The following MLXIPL variants were observed in gnomAD, a reference collection of about 807,000 sequenced individuals.
The protein encoded by MLXIPL is MLX interacting protein like.
In MLXIPL, 49 loss-of-function variants were observed where a neutral mutation model predicts 81.5. That is an observed-to-expected ratio of 0.60 (90% CI 0.48 to 0.76). The LOEUF (loss-of-function observed/expected upper bound fraction) is 0.76, where lower values mean the gene tolerates loss of function less well. Among genes scored for constraint, MLXIPL ranks in the 30% least tolerant of loss-of-function variants. The pLI is 0.00. For synonymous variants in MLXIPL, 466 were observed against 485.5 expected (o/e 0.96, Z 0.53); for missense variants, 1,053 against 1,167.0 (o/e 0.90, Z 1.42).
intron 1 of MLXIPL, among the ~76,000 whole-genome samples, chr7:73,616,789 A>G (rs1193156240): frequency 2.1e-5 from 3 of 144,912 alleles, no homozygotes; most frequent in African/African-American, 7.7e-5. Flanking sequence ...CGGAGGTTGC[A>G]GTGAGCTGAG....
In MLXIPL at chr7:73,623,690, G is replaced by A. The variant is rs1215402835; in HGVS notation, c.293+510C>T. ...GAGTGGGCCAGTTCCAGTCCACTTTGGTTATGAACTGGGACAATCAGGGGC... is the reference window on the plus strand; with the variant it reads ...GAGTGGGCCAGTTCCAGTCCACTTTAGTTATGAACTGGGACAATCAGGGGC... On this transcript the variant is annotated intron_variant, in intron 1 of 16. Transcript: ENST00000313375. The surrounding 1 kb of genome is among the most constrained non-coding windows in gnomAD (Gnocchi z 5.7). 1.3e-5 allele frequency among the ~76,000 whole-genome samples: 2 copies of A among 152,194 alleles called. No individual in the cohort carries two copies. The highest frequency in any genetic ancestry group is 2.9e-5 in the Non-Finnish European group (2 of 68,034).
intron 1 of MLXIPL, among the ~76,000 whole-genome samples, chr7:73,618,194 T>G (rs1323737605): frequency 6.6e-6 from 1 of 152,180 alleles, no homozygotes; most frequent in Non-Finnish European, 1.5e-5. Context: ...TCTCCCAGGT[T>G]CAAATGATTC....
intron 2 of MLXIPL, 51 bp downstream of exon 2, chr7:73,616,020 G>A: frequency 6.7e-7 from 1 of 1,493,832 alleles, no homozygotes. Context: ...TGGCAGGAGG[G>A]TTGGAGGGGG....
rs918301978 is a variant in MLXIPL, at chr7:73,623,948, C to G, written c.293+252G>C. Among the ~76,000 whole-genome samples, 1 of 151,570 alleles carries G rather than the reference C, an allele frequency of 6.6e-6. No homozygotes were observed. The highest frequency in any genetic ancestry group is 1.5e-5 in the Non-Finnish European group (1 of 67,932). The stretch of plus-strand genomic sequence containing the variant: ...GGTGGGGCGCAGGCGGTCTGCGCTT[C>G]GGGGAAGAGGGAATGGGGGAGGAAT... On this transcript the variant is annotated intron_variant, in intron 1 of 16. Transcript: ENST00000313375. The surrounding 1 kb of genome is among the most constrained non-coding windows in gnomAD (Gnocchi z 5.7).
chr7:73,647,112 C>T, the MLXIPL span, among the ~76,000 whole-genome samples: 1 of 152,284 alleles, frequency 6.6e-6, no homozygotes, highest in African/African-American at 2.4e-5. Context: ...AGACAAGAAC[C>T]CAAAGCTCCC....
Position 73,596,827 on chromosome 7 carries a change from G to GT in MLXIPL, c.1671+37dup. 6.2e-7 allele frequency: 1 copy of GT among 1,608,690 alleles called. No homozygotes were observed. The highest frequency in any genetic ancestry group is 8.5e-7 in the Non-Finnish European group (1 of 1,178,340). On this transcript the variant is annotated intron_variant, in intron 10 of 16. Transcript: ENST00000313375. The surrounding 1 kb of genome is among the most constrained non-coding windows in gnomAD (Gnocchi z 4.7). Reference sequence around the variant, plus strand: ...AGGGCGGAGAGTCGGGTTGAAGGCCGTGGGCACAGCCCCACCGCCCAGTGC... The same window carrying GT: ...AGGGCGGAGAGTCGGGTTGAAGGCCGTTGGGCACAGCCCCACCGCCCAGTGC...
the MLXIPL span, among the ~76,000 whole-genome samples, chr7:73,637,226 C>T: frequency 1.3e-5 from 2 of 151,582 alleles, no homozygotes; most frequent in Non-Finnish European, 2.9e-5. Context: ...GCCTGTAATC[C>T]CAGCACTTTG....
the MLXIPL span, among the ~76,000 whole-genome samples, chr7:73,632,328 G>A: frequency 2.0e-5 from 3 of 151,946 alleles, no homozygotes; most frequent in African/African-American, 4.8e-5. Context: ...TCTGGATTCT[G>A]GTTATATGGG....
At chr7:73,614,421 A>C (rs1285700076) in intron 2 of MLXIPL, among the ~76,000 whole-genome samples, 1 of 152,188 alleles carries the variant, frequency 6.6e-6, no homozygotes, top group Non-Finnish European at 1.5e-5. Flanking sequence ...GCCTTAAATA[A>C]GGTGATTCAC....
upstream of MLXIPL, chr7:73,624,579 C>A: frequency 1.4e-6 from 2 of 1,431,380 alleles, no homozygotes; most frequent in South Asian, 1.5e-5. Context: ...AACATAGCCC[C>A]GCCCCCACAC....
At chr7:73,606,404 T>G (rs994729030) in intron 5 of MLXIPL, 14 of 494,154 alleles carry the variant, frequency 2.8e-5, no homozygotes, top group Admixed American at 7.7e-5. Context: ...GGTTTTTTTT[T>G]TTGTTTGTTT....
chr7:73,642,780 G>C, the MLXIPL span, among the ~76,000 whole-genome samples: 1 of 152,216 alleles, frequency 6.6e-6, no homozygotes, highest in Non-Finnish European at 1.5e-5. Flanking sequence ...ATAGGCGTGA[G>C]CCACCTTGCC....
chr7:73,625,010 C>A, upstream of MLXIPL, among the ~76,000 whole-genome samples: 1 of 151,842 alleles, frequency 6.6e-6, no homozygotes, highest in South Asian at 2.1e-4. Flanking sequence ...ATGGCAAAAC[C>A]CTGTCTCTAC....
At chr7:73,633,347 G>GTT in the MLXIPL span, among the ~76,000 whole-genome samples, 726 of 138,656 alleles carry the variant, frequency 5.2e-3, 3 homozygotes, top group Middle Eastern at 0.019. Flanking sequence ...CTCCCAAAGT[G>GTT]TTTTTTTTTT....
the MLXIPL span, among the ~76,000 whole-genome samples, chr7:73,645,359 C>T: frequency 6.6e-5 from 10 of 152,214 alleles, no homozygotes; most frequent in South Asian, 2.1e-3. Context: ...TCTTATTTAT[C>T]AGTGCCAGGA....
the MLXIPL span, among the ~76,000 whole-genome samples, chr7:73,629,739 G>A: frequency 3.6e-3 from 547 of 152,066 alleles, 3 homozygotes; most frequent in Non-Finnish European, 6.0e-3. Context: ...AAACTAAAAG[G>A]CACGTTCATA....
chr7:73,606,705 C>T lies in MLXIPL; in HGVS notation c.618+269G>A, dbSNP rs561913263. ...CCTCCCAAAGTGCTGGGATGACAGG[C>T]GTGAGCCACCACGCCCGGCCTGGTC... On this transcript the variant is annotated intron_variant, in intron 5 of 16. Transcript: ENST00000313375. The T allele has an allele frequency of 1.7e-3, 814 of 469,666 alleles. 3 individuals are homozygous for T. The highest frequency in any genetic ancestry group is 0.014 in the African/African-American group (721 of 50,778). The allele number at this position is 469,666 out of a possible 1,614,324, so 29.1% of individuals were successfully genotyped here.
intron 1 of MLXIPL, among the ~76,000 whole-genome samples, chr7:73,621,113 T>A (rs4439002): frequency 0.073 from 11,032 of 151,306 alleles, 428 homozygotes; most frequent in Middle Eastern, 0.11. Context: ...ACTCTGAGAC[T>A]TAGAGAGGGG....
the MLXIPL span, among the ~76,000 whole-genome samples, chr7:73,632,664 G>A: frequency 3.3e-5 from 5 of 151,986 alleles, no homozygotes; most frequent in African/African-American, 1.2e-4. Context: ...TCTTCCTGTG[G>A]GAAGGAAGAC....
Sources: gnomAD v4.1 joint callset for allele counts (sites outside exome capture counted in the v4.1 genomes callset) on GRCh38, gnomAD v4.1.1 for gene constraint, Gnocchi (gnomAD v3.1) non-coding constraint, MANE v1.5 for transcripts, NCBI Gene and HGNC (gene_info 2026-07-23, HGNC 2026-07-21) for gene names.